NUMA1: variants seen among roughly 807,000 people sequenced by gnomAD.
The protein encoded by NUMA1 is nuclear mitotic apparatus protein 1.
Under a neutral mutation model 237.1 loss-of-function variants are expected in NUMA1, and 62 were observed. The observed-to-expected ratio is 0.26, with a 90% CI of 0.21 to 0.32. NUMA1 has a LOEUF of 0.32. NUMA1 is among the 10% of genes least tolerant of loss of function. The pLI, the probability that NUMA1 is intolerant of heterozygous loss-of-function variation, is 1.00. For missense variants in NUMA1, 2,533 were observed against 2,666.5 expected (o/e 0.95, Z 1.10); for synonymous variants, 1,028 against 1,066.1 (o/e 0.96, Z 0.70).
intron 2 of NUMA1, among the ~76,000 whole-genome samples, chr11:72,063,645 A>C (rs541289989): frequency 1.3e-5 from 2 of 150,870 alleles, no homozygotes; most frequent in South Asian, 4.2e-4. Flanking sequence ...GGCTGGGTAC[A>C]ATGGTTGAAG....
rs776469955 is a variant in NUMA1 at position 72,004,695 on chromosome 11, C to T, written c.5951G>A (p.Arg1984Gln). The T allele has an allele frequency of 1.6e-5, 26 of 1,613,426 alleles. No individual in the cohort carries two copies. The highest frequency in any genetic ancestry group is 3.3e-5 in the South Asian group (3 of 91,058). Residue 1984 changes from arginine to glutamine, a missense_variant, in exon 24 of 27, where the codon CGG becomes CAG. Arg to Gln is a conservative substitution (Grantham distance 43). Transcript: ENST00000393695. ...QIAEGTGITT[R>Q]QQRKRVSLEP... is the part of the protein sequence containing the mutation. Reference sequence around the variant, plus strand: ...TAGGGAGACCCGTTTGCGCTGCTGCCGGGTGGTGATGCCAGTGCCCTCGGC... The same window carrying T: ...TAGGGAGACCCGTTTGCGCTGCTGCTGGGTGGTGATGCCAGTGCCCTCGGC...
intron 1 of NUMA1, among the ~76,000 whole-genome samples, chr11:72,078,890 A>C (rs1344618327): frequency 6.6e-6 from 1 of 152,228 alleles, no homozygotes; most frequent in Non-Finnish European, 1.5e-5. Flanking sequence ...CACAAAGCAG[A>C]GAGGCCCAAC....
Position 72,019,484 on chromosome 11 carries a change from C to G in NUMA1, c.584+10G>C. ...AGGCCCTATCCCAGGAGGAGAGGCC[C>G]AGAACATACTTGTTCCCACTGGAAG... On this transcript the variant is annotated intron_variant, in intron 9 of 26. Coordinates refer to ENST00000393695, the MANE Select transcript of NUMA1 (RefSeq NM_006185.4). The G allele has an allele frequency of 6.2e-7, 1 of 1,612,224 alleles. No homozygotes were observed. Among genetic ancestry groups the G allele is most frequent in the South Asian group, 1.1e-5 (1 of 90,976 alleles).
chr11:72,019,029 A>G (rs1938344365), intron 9 of NUMA1, 49 bp from the exon 10 acceptor site: 3 of 1,600,390 alleles, frequency 1.9e-6, no homozygotes, highest in Non-Finnish European at 2.6e-6. Context: ...TAAGATCTGA[A>G]GCAATCAGCA....
intron 13 of NUMA1, 39 bp from the exon 14 acceptor site, chr11:72,016,569 A>G (rs779917727): frequency 6.2e-7 from 1 of 1,604,224 alleles, no homozygotes; most frequent in Non-Finnish European, 8.5e-7. Context: ...GAGAGGGGGA[A>G]CAGGCACCAG....
Position 72,015,756 on chromosome 11 carries a change from G to C in NUMA1, c.1747C>G (p.Gln583Glu), listed in dbSNP as rs749433348. The C allele has an allele frequency of 1.9e-6, 3 of 1,614,184 alleles. No individual in the cohort carries two copies. The highest frequency in any genetic ancestry group is 3.3e-5 in the Admixed American group (2 of 60,026). The stretch of plus-strand genomic sequence containing the variant: ...TCCTCTGCAGCAGTGGCCAGTTGCT[G>C]GGCATGGTCCTGCCTAGTTGCCTCC... The part of the protein sequence containing the change: ...KQEATRQDHA[Q>E]QLATAAEERE... Residue 583 changes from glutamine to glutamate, a missense_variant, in exon 15 of 27, where the codon CAG becomes GAG. Around this residue, in one of 3 missense-constraint regions of NUMA1, gnomAD observed 1,414 missense variants for 1,508.1 expected, o/e 0.94. Transcript: ENST00000393695. The surrounding 1 kb of genome is among the most constrained non-coding windows in gnomAD (Gnocchi z 4.0).
intron 2 of NUMA1, among the ~76,000 whole-genome samples, chr11:72,053,159 T>C (rs1942458722): frequency 6.6e-6 from 1 of 152,238 alleles, no homozygotes; most frequent in Non-Finnish European, 1.5e-5. Context: ...ATTTTATTTT[T>C]AATTTTTGTA....
rs1277712764 is a variant in NUMA1, at chr11:72,015,308, T to C, written c.2195A>G (p.Gln732Arg). ...KRRAADALEE[Q>R]QRCISELKAE... ...CTTCAGCTCAGAGATACAACGCTGCTGCTCTTCCAGGGCATCTGCAGCCCT... is the reference window on the plus strand; with the variant it reads ...CTTCAGCTCAGAGATACAACGCTGCCGCTCTTCCAGGGCATCTGCAGCCCT... Residue 732 changes from glutamine to arginine, a missense_variant, in exon 15 of 27, where the codon CAG becomes CGG. Physicochemically the swap from Gln to Arg is conservative, Grantham distance 43 (BLOSUM62 1). Coordinates refer to ENST00000393695, the MANE Select transcript of NUMA1 (RefSeq NM_006185.4). The surrounding 1 kb of genome is among the most constrained non-coding windows in gnomAD (Gnocchi z 4.0). 4 of 1,613,524 alleles carry C rather than the reference T, an allele frequency of 2.5e-6. No individual in the cohort carries two copies.
At chr11:72,073,352 G>A (rs990298798) in intron 1 of NUMA1, among the ~76,000 whole-genome samples, 1 of 150,740 alleles carries the variant, frequency 6.6e-6, no homozygotes, top group African/African-American at 2.4e-5. Context: ...GTAGAGGAGA[G>A]GCCATTATTA....
intron 2 of NUMA1, chr11:72,067,041 C>T (rs972014265): frequency 2.0e-5 from 3 of 152,194 alleles, no homozygotes; most frequent in Admixed American, 1.3e-4. Flanking sequence ...ACTATGTTTA[C>T]ACAATCCTAA....
intron 2 of NUMA1, among the ~76,000 whole-genome samples, chr11:72,055,549 G>A (rs1942588264): frequency 6.6e-6 from 1 of 152,152 alleles, no homozygotes; most frequent in South Asian, 2.1e-4. Flanking sequence ...TAGTGACTGG[G>A]AAGGGGCTAA....
intron 1 of NUMA1, among the ~76,000 whole-genome samples, chr11:72,072,880 A>C (rs1464219110): frequency 1.3e-5 from 2 of 151,602 alleles, no homozygotes; most frequent in Non-Finnish European, 2.9e-5. Flanking sequence ...GTCTCTACTA[A>C]AGATACAAAA....
intron 2 of NUMA1, among the ~76,000 whole-genome samples, chr11:72,044,048 A>G (rs985870627): frequency 1.3e-5 from 2 of 152,210 alleles, no homozygotes; most frequent in Non-Finnish European, 2.9e-5. Flanking sequence ...AATATGTACG[A>G]ACTCATTAAT....
intron 3 of NUMA1, among the ~76,000 whole-genome samples, chr11:72,035,062 G>T (rs370409396): frequency 7.5e-4 from 114 of 152,190 alleles, no homozygotes; most frequent in African/African-American, 2.6e-3. Flanking sequence ...TTGCCATGTT[G>T]CCCAGGCTGG....
chr11:72,009,822 C>G (rs902396834), intron 17 of NUMA1, among the ~76,000 whole-genome samples: 3 of 152,236 alleles, frequency 2.0e-5, no homozygotes, highest in African/African-American at 7.2e-5. Context: ...ACCCTCTTTT[C>G]AGAGGAGGAA....
rs182232672 is a variant in NUMA1 at position 72,032,173 on chromosome 11, C to A, written c.43-2883G>T. Among the ~76,000 whole-genome samples, 539 of 152,022 alleles carry A rather than the reference C, an allele frequency of 3.5e-3. 5 individuals are homozygous for A. Among genetic ancestry groups the A allele is most frequent in the African/African-American group, 0.013 (525 of 41,448 alleles). The stretch of plus-strand genomic sequence containing the variant: ...AAGACCCTATCTCAAAAAGCGGAAT[C>A]TTTTAGATGAATCCCAGTTAAAACA... On this transcript the variant is annotated intron_variant, in intron 3 of 26. Transcript: ENST00000393695.
intron 2 of NUMA1, among the ~76,000 whole-genome samples, chr11:72,054,830 A>G (rs1942550374): frequency 6.6e-6 from 1 of 152,198 alleles, no homozygotes; most frequent in Non-Finnish European, 1.5e-5. Context: ...TCCATTTGGA[A>G]GACTGAATAA....
At chr11:72,061,570 A>G (rs1942948345) in intron 2 of NUMA1, among the ~76,000 whole-genome samples, 2 of 139,206 alleles carry the variant, frequency 1.4e-5, no homozygotes, top group African/African-American at 5.4e-5. Context: ...AGTTTACCAC[A>G]GCCTCAACCT....
intron 2 of NUMA1, among the ~76,000 whole-genome samples, chr11:72,036,327 G>A (rs1235037987): frequency 6.6e-5 from 10 of 152,232 alleles, no homozygotes; most frequent in Non-Finnish European, 2.9e-5. Context: ...GGGTCTGGAT[G>A]CTGATTTAAT....
Sources: allele counts gnomAD v4.1 joint callset (sites outside exome capture counted in the v4.1 genomes callset), GRCh38; gene constraint gnomAD v4.1.1; regional missense constraint gnomAD v4.1.1; non-coding constraint Gnocchi (gnomAD v3.1); transcripts MANE v1.5; gene names NCBI Gene and HGNC (gene_info 2026-07-23, HGNC 2026-07-21).